KMO: variants seen among roughly 807,000 people sequenced by gnomAD.
KMO encodes kynurenine 3-monooxygenase, also known as kynurenine 3-hydroxylase.
KMO carries 24 observed loss-of-function variants against 57.8 expected under a neutral mutation model. The observed-to-expected ratio is 0.42, with a 90% CI of 0.30 to 0.58. KMO has a LOEUF of 0.58. KMO is among the 20% of genes least tolerant of loss of function. KMO has a pLI of 0.22. For synonymous variants in KMO, 210 were observed against 193.6 expected (o/e 1.08, Z -0.70); for missense variants, 483 against 588.2 (o/e 0.82, Z 1.85).
At chr1:241,587,464 T>C (rs1573940889) in intron 11 of KMO, among the ~76,000 whole-genome samples, 1 of 152,084 alleles carries the variant, frequency 6.6e-6, no homozygotes, top group Admixed American at 6.5e-5. Context: ...TTGCATCTAA[T>C]ACTTTTTTTT....
At chr1:241,534,272 G>A (rs1660678882) in intron 1 of KMO, among the ~76,000 whole-genome samples, 1 of 152,204 alleles carries the variant, frequency 6.6e-6, no homozygotes, top group African/African-American at 2.4e-5. Context: ...GGTGGCAGCA[G>A]TGATGTCTCA....
At chr1:241,591,532 A>G (rs777677203) in intron 14 of KMO, among the ~76,000 whole-genome samples, 3 of 152,146 alleles carry the variant, frequency 2.0e-5, no homozygotes. Flanking sequence ...TAGTCTCCAC[A>G]TAAGTCTTAG....
chr1:241,550,004 C>T lies in KMO; in HGVS notation c.222+230C>T. On this transcript the variant is annotated intron_variant, in intron 3 of 14. Transcript: ENST00000366559. ...GGATGATTGCTTCTGATATTGGGTTCTCAACAGGATGGTGCGTCACTGCCT... is the reference window on the plus strand; with the variant it reads ...GGATGATTGCTTCTGATATTGGGTTTTCAACAGGATGGTGCGTCACTGCCT... 6.2e-6 allele frequency: 3 copies of T among 481,248 alleles called. No homozygotes were observed. The East Asian group carries it at 1.1e-4, about 18-fold the overall frequency. 29.8% of individuals were successfully genotyped at this position (481,248 alleles called of 1,614,324 possible).
rs762565844 is a variant in KMO at position 241,562,193 on chromosome 1, CT to C, written c.478del (p.Cys160ValfsTer5). On this transcript the variant is annotated frameshift_variant, in exon 7 of 15. Transcript: ENST00000366559. LOFTEE classifies it high-confidence loss of function. ...LGSDKVPKDV[T>X]CDLIVGCDGA... ...TCTGACAAAGTTCCCAAAGATGTCACTTGTGACCTCATTGTAGGATGTGATG... is the reference window on the plus strand; with the variant it reads ...TCTGACAAAGTTCCCAAAGATGTCACTGTGACCTCATTGTAGGATGTGATG... The C allele has an allele frequency of 4.3e-6, 7 of 1,613,998 alleles. No individual in the cohort carries two copies. The highest frequency in any genetic ancestry group is 1.3e-5 in the African/African-American group (1 of 74,934).
At chr1:241,576,888 C>T (rs899552152) in intron 10 of KMO, among the ~76,000 whole-genome samples, 3 of 152,054 alleles carry the variant, frequency 2.0e-5, no homozygotes, top group African/African-American at 7.2e-5. Context: ...TAGATTTGGC[C>T]ATTTTACATA....
intron 1 of KMO, 93 bp from the exon 2 acceptor site, chr1:241,548,736 A>T: frequency 2.8e-6 from 2 of 724,590 alleles, no homozygotes; most frequent in Non-Finnish European, 4.7e-6. Context: ...TGAGGCTAGT[A>T]AAACATAGCC....
At chr1:241,548,094 C>G (rs529846948) in intron 1 of KMO, among the ~76,000 whole-genome samples, 66 of 151,798 alleles carry the variant, frequency 4.3e-4, no homozygotes, top group African/African-American at 1.5e-3. Context: ...ACAAAACACA[C>G]ACACACACAC....
At chr1:241,536,564 G>C in intron 1 of KMO, 1 of 953,688 alleles carries the variant, frequency 1.0e-6, no homozygotes, top group Non-Finnish European at 1.2e-6. Context: ...CAAGAGCCTT[G>C]GTAAGAGGGC....
chr1:241,544,135 C>T (rs978496031), intron 1 of KMO, among the ~76,000 whole-genome samples: 5 of 152,090 alleles, frequency 3.3e-5, no homozygotes, highest in African/African-American at 9.7e-5. Flanking sequence ...CTTCTGAATC[C>T]CAGGATCTCT....
At chr1:241,563,328 A>G (rs1000087078) in intron 7 of KMO, among the ~76,000 whole-genome samples, 1 of 152,236 alleles carries the variant, frequency 6.6e-6, no homozygotes, top group African/African-American at 2.4e-5. Flanking sequence ...TATGCAAACA[A>G]CATTAAATAC....
chr1:241,576,988 G>C (rs1346272343), intron 10 of KMO, among the ~76,000 whole-genome samples: 2 of 151,876 alleles, frequency 1.3e-5, no homozygotes, highest in Non-Finnish European at 2.9e-5. Context: ...CCTTGTCTTT[G>C]AGCTCTGAAA....
intron 1 of KMO, among the ~76,000 whole-genome samples, chr1:241,544,565 C>T (rs944145961): frequency 2.0e-5 from 3 of 152,126 alleles, no homozygotes; most frequent in Admixed American, 6.5e-5. Context: ...CAAGATCACA[C>T]TGGAGAAGAG....
chr1:241,582,041 A>T (rs1162867431), intron 10 of KMO, among the ~76,000 whole-genome samples: 1 of 152,184 alleles, frequency 6.6e-6, no homozygotes, highest in Non-Finnish European at 1.5e-5. Context: ...TGCATACAAT[A>T]TTCTAAATTG....
chr1:241,563,051 TTGA>T (rs1479569836), intron 7 of KMO, among the ~76,000 whole-genome samples: 4 of 152,154 alleles, frequency 2.6e-5, no homozygotes, highest in Admixed American at 2.0e-4. Context: ...AAAAAACAGG[TTGA>T]TGATGAATCC....
chr1:241,580,081 C>T (rs1435137408), intron 10 of KMO, among the ~76,000 whole-genome samples: 1 of 152,166 alleles, frequency 6.6e-6, no homozygotes, highest in East Asian at 1.9e-4. Flanking sequence ...GGATTTATAT[C>T]CTGGAGGCAG....
intron 1 of KMO, among the ~76,000 whole-genome samples, chr1:241,546,496 A>C (rs994037681): frequency 6.6e-6 from 1 of 152,232 alleles, no homozygotes; most frequent in African/African-American, 2.4e-5. Context: ...TACACAGAAA[A>C]TTTGATATTA....
chr1:241,593,567 G>A lies in KMO; in HGVS notation c.*1414G>A. The A allele has an allele frequency of 1.3e-5, 3 of 237,042 alleles. No individual in the cohort carries two copies. The allele number at this position is 237,042 out of a possible 1,614,324, so 14.7% of individuals were successfully genotyped here. On this transcript the variant is annotated 3_prime_UTR_variant, in exon 15 of 15. Transcript: ENST00000366559. ...TAATTTTTCCTTCTACCCACTTTAG[G>A]TTCCTTGGCTGGGGCCCCTATAACA...
intron 5 of KMO, among the ~76,000 whole-genome samples, chr1:241,558,127 T>C (rs938391476): frequency 1.3e-5 from 2 of 152,232 alleles, no homozygotes; most frequent in Non-Finnish European, 2.9e-5. Context: ...AGTCTGTTTA[T>C]TCCAAAGCCC....
chr1:241,552,770 A>T (rs1031711062), intron 4 of KMO, among the ~76,000 whole-genome samples: 1 of 151,406 alleles, frequency 6.6e-6, no homozygotes, highest in Non-Finnish European at 1.5e-5. Flanking sequence ...ATCCTTTCTG[A>T]CTCCCTTCCC....
Sources: allele counts gnomAD v4.1 joint callset (sites outside exome capture counted in the v4.1 genomes callset), GRCh38; gene constraint gnomAD v4.1.1; transcripts MANE v1.5; gene names NCBI Gene and HGNC (gene_info 2026-07-23, HGNC 2026-07-21).